Variants in AP3D1 observed in about 807,000 individuals in gnomAD.
AP3D1 encodes the protein AP-3 complex subunit delta-1.
Under a neutral mutation model 147.6 loss-of-function variants are expected in AP3D1, and 51 were observed. The observed-to-expected ratio is 0.35, with a 90% CI of 0.28 to 0.44. The LOEUF (loss-of-function observed/expected upper bound fraction) is 0.44. AP3D1 is among the 20% of genes least tolerant of loss of function. AP3D1 has a pLI of 1.00. For missense variants in AP3D1, 1,421 were observed against 1,624.2 expected (o/e 0.87, Z 2.15); for synonymous variants, 760 against 663.0 (o/e 1.15, Z -2.25).
intron 31 of AP3D1, among the ~76,000 whole-genome samples, chr19:2,103,883 T>C (rs899445643): frequency 5.3e-5 from 8 of 151,386 alleles, no homozygotes; most frequent in African/African-American, 1.5e-4. Flanking sequence ...AAGGCACTAA[T>C]GGCAAGGCCG....
chr19:2,117,391 G>A, intron 15 of AP3D1, 24 bp from the exon 16 acceptor site: 1 of 1,555,260 alleles, frequency 6.4e-7, no homozygotes, highest in Non-Finnish European at 8.7e-7. Flanking sequence ...AGGGGTCACT[G>A]CTGGCACCTG....
Position 2,102,135 on chromosome 19 carries a change from C to T in AP3D1, c.*38G>A, listed in dbSNP as rs763339870. 5 of 1,542,528 alleles carry T rather than the reference C, an allele frequency of 3.2e-6. No individual in the cohort carries two copies. Among genetic ancestry groups the T allele is most frequent in the East Asian group, 2.2e-5 (1 of 44,520 alleles). Reference sequence around the variant, plus strand: ...ACGTCAGGGCTGCGGTCCCTGGGTACGTGCTCCGCGGGGTGGTGCGGGGCT... The same window carrying T: ...ACGTCAGGGCTGCGGTCCCTGGGTATGTGCTCCGCGGGGTGGTGCGGGGCT... On this transcript the variant is annotated 3_prime_UTR_variant, in exon 32 of 32. Coordinates refer to ENST00000643116, the MANE Select transcript of AP3D1 (RefSeq NM_001261826.3).
At chr19:2,104,032 T>C (rs1403848052) in intron 31 of AP3D1, among the ~76,000 whole-genome samples, 2 of 142,828 alleles carry the variant, frequency 1.4e-5, no homozygotes, top group African/African-American at 5.3e-5. Flanking sequence ...GACCCCACGC[T>C]CAAGACCCCA....
At chr19:2,120,627 C>T (rs974396926) in intron 14 of AP3D1, among the ~76,000 whole-genome samples, 15 of 152,192 alleles carry the variant, frequency 9.9e-5, no homozygotes, top group African/African-American at 2.4e-4. Flanking sequence ...CTCCTGGGAA[C>T]GCCACAGATG....
intron 18 of AP3D1, among the ~76,000 whole-genome samples, 162 bp from the exon 19 acceptor site, chr19:2,115,775 C>T (rs898921780): frequency 1.3e-5 from 2 of 152,246 alleles, no homozygotes; most frequent in Admixed American, 6.5e-5. Flanking sequence ...GAGCGCATCC[C>T]GAGGACCCGA....
upstream of AP3D1, among the ~76,000 whole-genome samples, chr19:2,151,961 C>T (rs1446813783): frequency 2.6e-5 from 4 of 152,210 alleles, no homozygotes; most frequent in African/African-American, 4.8e-5. Flanking sequence ...TAATAGCTGA[C>T]GCGGCCTGAG....
chr19:2,108,966 C>T, intron 30 of AP3D1, 120 bp downstream of exon 30: 2 of 1,502,704 alleles, frequency 1.3e-6, no homozygotes, highest in East Asian at 4.7e-5. Context: ...CACCAGCCAC[C>T]CGGGATCCCA....
At chr19:2,136,871 CTG>C in intron 4 of AP3D1, 138 bp downstream of exon 4, 1 of 757,650 alleles carries the variant, frequency 1.3e-6, no homozygotes, top group South Asian at 1.6e-5. Flanking sequence ...GCTGGGAGGA[CTG>C]TGGCTCCGGA....
intron 14 of AP3D1, among the ~76,000 whole-genome samples, chr19:2,119,332 G>T (rs2018545882): frequency 6.6e-6 from 1 of 152,220 alleles, no homozygotes; most frequent in African/African-American, 2.4e-5. Flanking sequence ...GCCGAGGCAG[G>T]CAGATCACGA....
intron 1 of AP3D1, chr19:2,164,099 TCCCG>T (rs1016980663): frequency 5.2e-4 from 6 of 11,618 alleles, no homozygotes; most frequent in South Asian, 4.1e-3. Flanking sequence ...CGCCCCTCCC[TCCCG>T]CCCGCCCTCC....
intron 1 of AP3D1, among the ~76,000 whole-genome samples, chr19:2,143,100 A>G (rs777259652): frequency 2.0e-5 from 3 of 151,292 alleles, no homozygotes; most frequent in Non-Finnish European, 2.9e-5. Context: ...GTCTCACTCT[A>G]TCGTCCAAGT....
intron 30 of AP3D1, 102 bp downstream of exon 30, chr19:2,108,984 T>A: frequency 1.3e-6 from 2 of 1,543,098 alleles, no homozygotes; most frequent in Non-Finnish European, 1.8e-6. Context: ...CCAAAGGGTG[T>A]GAGTTTGGGT....
intron 20 of AP3D1, 26 bp downstream of exon 20, chr19:2,115,193 G>C: frequency 6.2e-7 from 1 of 1,602,302 alleles, no homozygotes; most frequent in South Asian, 1.1e-5. Context: ...AGACATCCTA[G>C]GACCGGGACC....
chr19:2,118,404 C>T (rs2018516680), intron 15 of AP3D1, among the ~76,000 whole-genome samples, 197 bp downstream of exon 15: 3 of 152,240 alleles, frequency 2.0e-5, no homozygotes, highest in Admixed American at 2.0e-4. Flanking sequence ...CCCAGTCCTA[C>T]TGACGGATCC....
At chr19:2,108,280 G>A (rs1032852935) in intron 31 of AP3D1, among the ~76,000 whole-genome samples, 2 of 152,224 alleles carry the variant, frequency 1.3e-5, no homozygotes, top group Non-Finnish European at 2.9e-5. Flanking sequence ...GACACACTGC[G>A]AAGACAACCA....
At chr19:2,143,088 G>C (rs1403859815) in intron 1 of AP3D1, among the ~76,000 whole-genome samples, 1 of 151,206 alleles carries the variant, frequency 6.6e-6, no homozygotes, top group Admixed American at 6.6e-5. Context: ...TTCTGAGATG[G>C]AGTCTCACTC....
chr19:2,110,077 G>A lies in AP3D1; in HGVS notation c.3264+59C>T, dbSNP rs953823307. 9 of 1,592,092 alleles carry A rather than the reference G, an allele frequency of 5.7e-6. No homozygotes were observed. The South Asian group carries it at 9.9e-5, about 18-fold the overall frequency. On this transcript the variant is annotated intron_variant, in intron 28 of 31. Transcript: ENST00000643116. ...ACACCTGGACACCCACTGCGATGGGGCAGGAGGAGCCCCTGCCTGCAGAGT... is the reference window on the plus strand; with the variant it reads ...ACACCTGGACACCCACTGCGATGGGACAGGAGGAGCCCCTGCCTGCAGAGT...
upstream of AP3D1, among the ~76,000 whole-genome samples, chr19:2,156,060 A>C (rs1378904181): frequency 4.6e-5 from 7 of 152,154 alleles, no homozygotes; most frequent in South Asian, 2.1e-4. Context: ...CTCAAAAAAA[A>C]AAAAAAAGAA....
intron 1 of AP3D1, among the ~76,000 whole-genome samples, chr19:2,144,899 T>C (rs1225828818): frequency 1.3e-5 from 2 of 151,926 alleles, no homozygotes; most frequent in Non-Finnish European, 2.9e-5. Context: ...GGAGACTATG[T>C]CTCCAAAAAC....
Sources: gnomAD v4.1 joint callset for allele counts (sites outside exome capture counted in the v4.1 genomes callset) on GRCh38, gnomAD v4.1.1 for gene constraint, MANE v1.5 for transcripts, NCBI Gene and HGNC (gene_info 2026-07-23, HGNC 2026-07-21) for gene names.